Variants in LYST observed in about 807,000 individuals in gnomAD.
LYST encodes the protein lysosomal trafficking regulator.
A neutral mutation model predicts 413.6 loss-of-function variants in LYST; 192 were observed. The ratio of observed to expected loss-of-function variants is 0.46; its 90% confidence interval spans 0.41 to 0.52. The LOEUF (loss-of-function observed/expected upper bound fraction) is 0.52. Among genes scored for constraint, LYST ranks in the 20% least tolerant of loss-of-function variants. LYST has a pLI of 0.00. For synonymous variants in LYST, 1,525 were observed against 1,567.3 expected, an observed-to-expected ratio of 0.97 and a Z score of 0.64; for missense variants, 3,815 against 4,499.9, an observed-to-expected ratio of 0.85 and a Z score of 4.35.
Position 235,746,415 on chromosome 1 carries a change from A to AGGGTTCTCTTGGCTC in LYST, c.7878_7892dup (p.Glu2629_Gln2633dup), listed in dbSNP as rs746059919. 1.2e-6 allele frequency: 2 copies of AGGGTTCTCTTGGCTC among 1,613,938 alleles called. No homozygotes were observed. Among genetic ancestry groups the AGGGTTCTCTTGGCTC allele is most frequent in the East Asian group, 4.5e-5 (2 of 44,872 alleles). Reference sequence around the variant, plus strand: ...CAAGTTCCGTTTCAGTTGCTTGGCTAGGGTTCTCTTGGCTCATTCTCCGTT... The same window carrying AGGGTTCTCTTGGCTC: ...CAAGTTCCGTTTCAGTTGCTTGGCTAGGGTTCTCTTGGCTCGGGTTCTCTTGGCTCATTCTCCGTT... On this transcript the variant is annotated inframe_insertion, in exon 29 of 53. Coordinates refer to ENST00000389793, the MANE Select transcript of LYST (RefSeq NM_000081.4).
At chr1:235,717,552 G>A (rs2103145752) in intron 40 of LYST, among the ~76,000 whole-genome samples, 1 of 152,254 alleles carries the variant, frequency 6.6e-6, no homozygotes, top group South Asian at 2.1e-4. Flanking sequence ...CTCTGATGAA[G>A]AAGGGCAGGC....
At chr1:235,748,604 T>C (rs1293480173) in intron 28 of LYST, among the ~76,000 whole-genome samples, 3 of 152,130 alleles carry the variant, frequency 2.0e-5, no homozygotes, top group Non-Finnish European at 4.4e-5. Context: ...GATATAGATA[T>C]CCAGACCAAA....
chr1:235,824,309 G>T (rs1332241088), intron 3 of LYST, among the ~76,000 whole-genome samples: 1 of 152,188 alleles, frequency 6.6e-6, no homozygotes, highest in African/African-American at 2.4e-5. Flanking sequence ...ATTTTAAAAA[G>T]TAGTATTTAT....
At chr1:235,713,424 T>C (rs1438735659) in intron 42 of LYST, among the ~76,000 whole-genome samples, 4 of 152,184 alleles carry the variant, frequency 2.6e-5, no homozygotes, top group African/African-American at 9.7e-5. Context: ...GCACATTGGG[T>C]AGGTTCTGTT....
At chr1:235,731,644 T>C (rs1234541717) in intron 34 of LYST, among the ~76,000 whole-genome samples, 2 of 151,302 alleles carry the variant, frequency 1.3e-5, no homozygotes, top group Non-Finnish European at 2.9e-5. Flanking sequence ...CTGTAATTTC[T>C]GCCTCCCGGG....
chr1:235,686,024 A>G lies in LYST; in HGVS notation c.10800+925T>C, dbSNP rs1420885687. Among the ~76,000 whole-genome samples, 1 of 152,160 alleles carries G rather than the reference A, an allele frequency of 6.6e-6. No individual in the cohort carries two copies. Among genetic ancestry groups the G allele is most frequent in the African/African-American group, 2.4e-5 (1 of 41,440 alleles). ...CAGAATGATGATTACTGAGTTATCA[A>G]CCTAAACTTGACACATATCCTCAAC... On this transcript the variant is annotated intron_variant, in intron 48 of 52. Transcript: ENST00000389793. This position sits in a 1 kb window ranked among gnomAD's most constrained non-coding sequence, Gnocchi z 4.0.
At chr1:235,689,950 C>T (rs756544915) in intron 47 of LYST, among the ~76,000 whole-genome samples, 2 of 152,152 alleles carry the variant, frequency 1.3e-5, no homozygotes, top group African/African-American at 4.8e-5. Flanking sequence ...ATTAGTGAAT[C>T]GGAAAGCATC....
At chr1:235,764,495 C>CTTTTTTTTTTTTTTTTTTTTTT (rs1020736833) in intron 21 of LYST, among the ~76,000 whole-genome samples, 8 of 97,946 alleles carry the variant, frequency 8.2e-5, no homozygotes, top group African/African-American at 3.1e-4. Flanking sequence ...TTTTTCTTTT[C>CTTTTTTTTTTTTTTTTTTTTTT]TTTTTTTTTT....
chr1:235,749,648 T>G (rs1326593801), intron 28 of LYST, among the ~76,000 whole-genome samples: 1 of 152,146 alleles, frequency 6.6e-6, no homozygotes, highest in Non-Finnish European at 1.5e-5. Flanking sequence ...TCCTATAGCT[T>G]GCAGCAATCA....
At chr1:235,665,612 CAA>C (rs1285165106) in intron 50 of LYST, among the ~76,000 whole-genome samples, 11 of 81,288 alleles carry the variant, frequency 1.4e-4, no homozygotes, top group South Asian at 5.6e-4. Flanking sequence ...GACTCTATCT[CAA>C]AAAAAAAAAA....
At chr1:235,781,677 G>A (rs1316203241) in intron 15 of LYST, among the ~76,000 whole-genome samples, 3 of 151,906 alleles carry the variant, frequency 2.0e-5, no homozygotes, top group Non-Finnish European at 4.4e-5. Context: ...TATATTAAAT[G>A]TATATATCAA....
At chr1:235,850,862 A>G (rs1678447508) in intron 1 of LYST, among the ~76,000 whole-genome samples, 1 of 152,230 alleles carries the variant, frequency 6.6e-6, no homozygotes, top group East Asian at 1.9e-4. Context: ...CATAATCAAA[A>G]AATCAAAAAA....
intron 44 of LYST, among the ~76,000 whole-genome samples, chr1:235,707,670 T>C (rs970192389): frequency 6.6e-6 from 1 of 152,130 alleles, no homozygotes; most frequent in African/African-American, 2.4e-5. Context: ...ATTCTACTTC[T>C]AGGAATTTAT....
chr1:235,815,535 G>C (rs1236489225), intron 3 of LYST, among the ~76,000 whole-genome samples: 1 of 152,200 alleles, frequency 6.6e-6, no homozygotes, highest in East Asian at 1.9e-4. Flanking sequence ...CTTTTTCATA[G>C]AAAGCAAGAC....
rs147221131 is a variant in LYST at position 235,664,574 on chromosome 1, C to T, written c.11086G>A (p.Val3696Ile). The T allele has an allele frequency of 6.8e-4, 1,103 of 1,614,114 alleles. No homozygotes were observed. Among genetic ancestry groups the T allele is most frequent in the Admixed American group, 1.4e-3 (87 of 60,016 alleles). ...LRLWTVNGDL[V>I]GHVHCREIIC... ...ATCTCCCTGCAGTGGACATGTCCAA[C>T]GAGATCCCCGTTCACCGTCCAGAGT... The change falls in exon 51 of 53, where the codon GTT becomes ATT. Residue 3696 changes from valine to isoleucine, a missense_variant. This residue lies in a region of LYST where 866 missense variants were observed against 1,156.0 expected (regional missense o/e 0.75). Coordinates refer to ENST00000389793, the MANE Select transcript of LYST (RefSeq NM_000081.4). This position sits in a 1 kb window ranked among gnomAD's most constrained non-coding sequence, Gnocchi z 4.5.
chr1:235,701,520 C>T (rs530349615), intron 45 of LYST, among the ~76,000 whole-genome samples: 16 of 152,070 alleles, frequency 1.1e-4, no homozygotes, highest in African/African-American at 2.9e-4. Flanking sequence ...CCCAGCTACT[C>T]GGGAGGCTGA....
At chr1:235,811,499 A>G (rs915324298) in intron 4 of LYST, among the ~76,000 whole-genome samples, 1 of 152,186 alleles carries the variant, frequency 6.6e-6, no homozygotes, top group Non-Finnish European at 1.5e-5. Context: ...GGCACCAGGT[A>G]TAGACACTAT....
In LYST at chr1:235,697,230, C is replaced by A. The variant is rs754218446; in HGVS notation, c.10417G>T (p.Val3473Leu). 1 of 1,613,950 alleles carries A rather than the reference C, an allele frequency of 6.2e-7. No individual in the cohort carries two copies. Among genetic ancestry groups the A allele is most frequent in the Non-Finnish European group, 8.5e-7 (1 of 1,179,920 alleles). ...WIKGLKWGEYVGSPSAPVPVV... is the reference protein window; with the variant it reads ...WIKGLKWGEYLGSPSAPVPVV... Reference sequence around the variant, plus strand: ...GGTACTGGAGCACTGGGGGAACCCACGTATTCCCCCCATTTCAAGCCTTTT... The same window carrying A: ...GGTACTGGAGCACTGGGGGAACCCAAGTATTCCCCCCATTTCAAGCCTTTT... The change falls in exon 46 of 53, where the codon GTG becomes TTG. Residue 3473 changes from valine to leucine, a missense_variant. This residue lies in a region of LYST where 866 missense variants were observed against 1,156.0 expected (regional missense o/e 0.75). Transcript: ENST00000389793.
In LYST at chr1:235,810,436, C is replaced by T. The variant is rs1673341807; in HGVS notation, c.382G>A (p.Ala128Thr). The T allele has an allele frequency of 6.2e-7, 1 of 1,610,622 alleles. No individual in the cohort carries two copies. Among genetic ancestry groups the T allele is most frequent in the Non-Finnish European group, 8.5e-7 (1 of 1,179,104 alleles). ...TTTGCAGAAACCTGACTAGACAGGG[C>T]ACTTCCTTCTAAATGTAATTTTTCC... ...TQEKLHLEGS[A>T]LSSQVSAKVN... The change falls in exon 5 of 53, where the codon GCC (alanine) becomes ACC (threonine). Residue 128 changes from alanine to threonine, a missense_variant. Transcript: ENST00000389793.
Sources: allele counts gnomAD v4.1 joint callset (sites outside exome capture counted in the v4.1 genomes callset), GRCh38; gene constraint gnomAD v4.1.1; regional missense constraint gnomAD v4.1.1; non-coding constraint Gnocchi (gnomAD v3.1); transcripts MANE v1.5; gene names NCBI Gene and HGNC (gene_info 2026-07-23, HGNC 2026-07-21).